The following EPHA6 variants were observed in gnomAD, a reference collection of about 807,000 sequenced individuals.
EPHA6 encodes the protein EPH receptor A6.
Under a neutral mutation model 112.0 loss-of-function variants are expected in EPHA6, and 50 were observed. That is an observed-to-expected ratio of 0.45 (90% CI 0.36 to 0.56). The LOEUF (loss-of-function observed/expected upper bound fraction) is 0.56, where lower values mean the gene tolerates loss of function less well. Among genes scored for constraint, EPHA6 ranks in the 20% least tolerant of loss-of-function variants. The pLI is 0.00. For synonymous variants in EPHA6, 529 were observed against 490.7 expected, an observed-to-expected ratio of 1.08 and a Z score of -1.03; for missense variants, 1,280 against 1,417.4, an observed-to-expected ratio of 0.90 and a Z score of 1.56.
chr3:96,858,787 G>A (rs1559778516), intron 1 of EPHA6, among the ~76,000 whole-genome samples: 4 of 152,062 alleles, frequency 2.6e-5, no homozygotes, highest in Admixed American at 2.6e-4. Flanking sequence ...AGCAGTCTGA[G>A]GGCAGTCAGT....
intron 5 of EPHA6, among the ~76,000 whole-genome samples, chr3:97,391,523 T>G (rs1421442750): frequency 6.6e-6 from 1 of 151,950 alleles, no homozygotes; most frequent in Non-Finnish European, 1.5e-5. Context: ...CTGTACCTAC[T>G]AAGTTACAGT....
At chr3:96,916,624 C>T (rs1310565381) in intron 2 of EPHA6, among the ~76,000 whole-genome samples, 1 of 151,940 alleles carries the variant, frequency 6.6e-6, no homozygotes, top group African/African-American at 2.4e-5. Flanking sequence ...AGAGACAGGG[C>T]CCAGTGTGGA....
chr3:96,941,571 A>G (rs1298731431), intron 2 of EPHA6, among the ~76,000 whole-genome samples: 4 of 152,158 alleles, frequency 2.6e-5, no homozygotes, highest in African/African-American at 9.7e-5. Context: ...GAGTAGTTTG[A>G]TCGTCTGAAG....
intron 5 of EPHA6, among the ~76,000 whole-genome samples, chr3:97,302,274 T>G (rs2081124840): frequency 6.6e-6 from 1 of 152,132 alleles, no homozygotes; most frequent in African/African-American, 2.4e-5. Flanking sequence ...ATGGTTTTCT[T>G]TTATTTTTAA....
chr3:97,670,793 G>A (rs7631589), intron 14 of EPHA6, among the ~76,000 whole-genome samples: 13 of 152,294 alleles, frequency 8.5e-5, no homozygotes, highest in Admixed American at 2.0e-4. Context: ...GTAAATCACC[G>A]TCATCACACA....
At chr3:97,016,680 C>A (rs2044276882) in intron 3 of EPHA6, among the ~76,000 whole-genome samples, 1 of 152,138 alleles carries the variant, frequency 6.6e-6, no homozygotes, top group South Asian at 2.1e-4. Context: ...ATCTTTCATT[C>A]CCAAATTTTT....
chr3:96,899,096 A>G (rs945280339), intron 2 of EPHA6, among the ~76,000 whole-genome samples: 1 of 151,974 alleles, frequency 6.6e-6, no homozygotes, highest in Non-Finnish European at 1.5e-5. Context: ...TCTAGAGGCC[A>G]AGAGTCTGAA....
chr3:97,326,715 A>G (rs2082443307), intron 5 of EPHA6, among the ~76,000 whole-genome samples: 1 of 152,100 alleles, frequency 6.6e-6, no homozygotes, highest in East Asian at 1.9e-4. Flanking sequence ...ATGAAACAGT[A>G]AAAACCTTCC....
At chr3:96,929,385 C>T (rs949331444) in intron 2 of EPHA6, among the ~76,000 whole-genome samples, 9 of 152,100 alleles carry the variant, frequency 5.9e-5, no homozygotes, top group East Asian at 1.9e-4. Context: ...TTTTCCTTTC[C>T]GTATTTAGTG....
chr3:97,622,917 A>G (rs1317774491), intron 13 of EPHA6, among the ~76,000 whole-genome samples: 4 of 150,868 alleles, frequency 2.7e-5, no homozygotes, highest in African/African-American at 4.9e-5. Flanking sequence ...AAAAGTATCT[A>G]TTCAAGTCCA....
At chr3:97,584,393 A>G (rs967839901) in intron 11 of EPHA6, among the ~76,000 whole-genome samples, 5 of 152,222 alleles carry the variant, frequency 3.3e-5, no homozygotes, top group African/African-American at 1.2e-4. Context: ...GATGTATTTT[A>G]TTTGATATCT....
chr3:97,225,906 C>T (rs531520356), intron 3 of EPHA6, among the ~76,000 whole-genome samples: 2 of 152,290 alleles, frequency 1.3e-5, no homozygotes, highest in South Asian at 4.1e-4. Flanking sequence ...TTAATGCCTT[C>T]TCTGAGAACG....
chr3:97,619,381 C>T (rs1175351241), intron 13 of EPHA6, among the ~76,000 whole-genome samples: 1 of 147,960 alleles, frequency 6.8e-6, no homozygotes, highest in African/African-American at 2.5e-5. Flanking sequence ...TCTCACCACT[C>T]CTATTCAACA....
chr3:96,829,947 G>GTGCACACA (rs1553713396), intron 1 of EPHA6, among the ~76,000 whole-genome samples: 2 of 70,460 alleles, frequency 2.8e-5, no homozygotes, highest in Non-Finnish European at 6.2e-5. Context: ...GTGCGCGCGC[G>GTGCACACA]CGCACACACA....
chr3:97,335,586 T>C (rs994416129), intron 5 of EPHA6, among the ~76,000 whole-genome samples: 6 of 152,066 alleles, frequency 3.9e-5, no homozygotes, highest in Admixed American at 3.9e-4. Flanking sequence ...ACCATGCACC[T>C]CAAAACTTTT....
chr3:96,929,560 C>T (rs1030457673), intron 2 of EPHA6, among the ~76,000 whole-genome samples: 3 of 152,298 alleles, frequency 2.0e-5, no homozygotes, highest in African/African-American at 7.2e-5. Flanking sequence ...CCCCCAGTCT[C>T]TTCTGGCTTG....
chr3:97,746,863 C>T lies in EPHA6; in HGVS notation c.3129-560C>T, dbSNP rs1365925909. ...CTGAACTCTGTGACAATAAAAATTA[C>T]ATTTTAAGAAATGATAAATTATTAT... On this transcript the variant is annotated intron_variant, in intron 16 of 17. Coordinates refer to ENST00000389672, the MANE Select transcript of EPHA6 (RefSeq NM_001080448.3). Among the ~76,000 whole-genome samples the T allele has an allele frequency of 2.0e-5, 3 of 151,936 alleles. 1 individual carries two copies. The East Asian group carries it at 5.8e-4, about 29-fold the overall frequency.
chr3:97,548,590 A>G (rs1003048814), intron 11 of EPHA6, among the ~76,000 whole-genome samples: 1 of 152,198 alleles, frequency 6.6e-6, no homozygotes, highest in African/African-American at 2.4e-5. Flanking sequence ...TCTTCTCTAC[A>G]GAAGAGCTCT....
At chr3:96,934,120 A>G (rs1406538595) in intron 2 of EPHA6, among the ~76,000 whole-genome samples, 1 of 151,948 alleles carries the variant, frequency 6.6e-6, no homozygotes, top group Non-Finnish European at 1.5e-5. Flanking sequence ...ACCTTTTTCT[A>G]TTTTAATGGG....
Sources: allele counts gnomAD v4.1 joint callset (sites outside exome capture counted in the v4.1 genomes callset), GRCh38; gene constraint gnomAD v4.1.1; transcripts MANE v1.5; gene names NCBI Gene and HGNC (gene_info 2026-07-23, HGNC 2026-07-21).